Variants in PFKP observed in about 807,000 individuals in gnomAD.
PFKP encodes phosphofructokinase, platelet, also known as ATP-dependent 6-phosphofructokinase, platelet type.
PFKP carries 101 observed loss-of-function variants against 94.3 expected under a neutral mutation model. The ratio of observed to expected loss-of-function variants is 1.07; its 90% CI spans 0.91 to 1.26. PFKP has a LOEUF of 1.26. PFKP is among the 50% of genes most tolerant of loss of function. The probability of loss-of-function intolerance (pLI) is 0.00; values close to 1 mark genes in which losing one functional copy is unlikely to be tolerated. For missense variants in PFKP, 1,145 were observed against 1,103.3 expected (o/e 1.04, Z -0.53); for synonymous variants, 573 against 432.6 (o/e 1.32, Z -4.03).
intron 3 of PFKP, chr10:3,100,786 TC>T (rs2131535645): frequency 1.7e-6 from 1 of 579,492 alleles, no homozygotes; most frequent in East Asian, 2.8e-5. Flanking sequence ...ATGATCTATG[TC>T]CCCTGGAAGT....
intron 17 of PFKP, among the ~76,000 whole-genome samples, chr10:3,131,857 C>T (rs1437896821): frequency 6.6e-6 from 1 of 152,096 alleles, no homozygotes; most frequent in African/African-American, 2.4e-5. Flanking sequence ...AATTACCTCC[C>T]TCTTGTAATC....
chr10:3,082,335 A>G, intron 1 of PFKP, 53 bp from the exon 2 acceptor site: 1 of 1,387,210 alleles, frequency 7.2e-7, no homozygotes. Flanking sequence ...TTAGTGGCAG[A>G]GCCAGAATTA....
chr10:3,073,795 G>A (rs1832370368), intron 1 of PFKP, among the ~76,000 whole-genome samples: 1 of 152,080 alleles, frequency 6.6e-6, no homozygotes. Flanking sequence ...GTCTTACTAC[G>A]ATTAAGATTT....
At chr10:3,077,256 T>C (rs112204719) in intron 1 of PFKP, among the ~76,000 whole-genome samples, 5,294 of 102,268 alleles carry the variant, frequency 0.052, 165 homozygotes, top group South Asian at 0.083. Flanking sequence ...TTACTTTTTT[T>C]TTTTCTTTTT....
At chr10:3,132,289 C>A in intron 17 of PFKP, 91 bp from the exon 18 acceptor site, 1 of 904,522 alleles carries the variant, frequency 1.1e-6, no homozygotes, top group Non-Finnish European at 1.8e-6. Context: ...CACTGCCACA[C>A]TTGGTTGGCA....
intron 17 of PFKP, among the ~76,000 whole-genome samples, chr10:3,130,253 G>T (rs1838423754): frequency 6.6e-6 from 1 of 152,192 alleles, no homozygotes; most frequent in Admixed American, 6.5e-5. Context: ...AGTTAATGTT[G>T]TCTCACTTAT....
intron 1 of PFKP, among the ~76,000 whole-genome samples, chr10:3,074,682 G>A (rs139377061): frequency 3.3e-5 from 5 of 152,324 alleles, no homozygotes; most frequent in African/African-American, 1.2e-4. Flanking sequence ...GGTAGAGCAT[G>A]TGAGCTCCAA....
At chr10:3,121,712 G>A (rs1295052459) in intron 16 of PFKP, among the ~76,000 whole-genome samples, 1 of 151,138 alleles carries the variant, frequency 6.6e-6, no homozygotes, top group Non-Finnish European at 1.5e-5. Context: ...TCCCTTGGAG[G>A]GATTGTGTGA....
At chr10:3,112,705 G>A (rs1249570026) in intron 11 of PFKP, among the ~76,000 whole-genome samples, 3 of 152,128 alleles carry the variant, frequency 2.0e-5, no homozygotes, top group Admixed American at 6.5e-5. Context: ...CTACCAGCTC[G>A]TACCAGTGCA....
At chr10:3,104,728 C>T in intron 5 of PFKP, 1 of 304,408 alleles carries the variant, frequency 3.3e-6, no homozygotes, top group Non-Finnish European at 6.2e-6. Flanking sequence ...TCACTTGTTT[C>T]CGTGGGAGAG....
intron 1 of PFKP, among the ~76,000 whole-genome samples, chr10:3,075,966 G>A (rs1363103581): frequency 3.9e-5 from 5 of 128,822 alleles, no homozygotes; most frequent in South Asian, 2.6e-4. Context: ...AGCCGAGATC[G>A]CGCCACTGCA....
At chr10:3,089,485 G>C (rs935183427) in intron 2 of PFKP, among the ~76,000 whole-genome samples, 1 of 151,984 alleles carries the variant, frequency 6.6e-6, no homozygotes, top group Admixed American at 6.6e-5. Flanking sequence ...GCTGGCTTGT[G>C]GGGGAGTTCT....
intron 18 of PFKP, among the ~76,000 whole-genome samples, chr10:3,132,996 T>G (rs1337207536): frequency 6.6e-6 from 1 of 152,210 alleles, no homozygotes; most frequent in Non-Finnish European, 1.5e-5. Flanking sequence ...AATTTTCCAT[T>G]TAATATTTGT....
In PFKP at chr10:3,113,431, CGTACGCTCAGCT is replaced by C; in HGVS notation, c.1287_1298del (p.Ser431_Arg434del). On this transcript the variant is annotated inframe_deletion, in exon 13 of 22. Transcript: ENST00000381125. ...CACCCGCGGCTGGGATGAACGCAGCCGTACGCTCAGCTGTGCGCGTGGGCATTGCCGACGGCC... is the reference window on the plus strand; with the variant it reads ...CACCCGCGGCTGGGATGAACGCAGCCGTGCGCGTGGGCATTGCCGACGGCC... 6.2e-7 allele frequency: 1 copy of C among 1,609,236 alleles called. No homozygotes were observed. Among genetic ancestry groups the C allele is most frequent in the Non-Finnish European group, 8.5e-7 (1 of 1,177,546 alleles).
rs1452372630 is a variant in PFKP at position 3,113,509 on chromosome 10, C to T, written c.1362C>T (p.Ala454=). ...LAIYDGFDGF[A]KGQIKEIGWT... ...TCTATGATGGCTTTGACGGCTTCGC[C>T]AAGGGCCAGGTGAGTCACCCAGGAT... Residue 454 remains alanine (A), a synonymous_variant, in exon 13 of 22, where the codon GCC becomes GCT. Transcript: ENST00000381125. 1.9e-6 allele frequency: 3 copies of T among 1,612,402 alleles called. No homozygotes were observed. Among genetic ancestry groups the T allele is most frequent in the African/African-American group, 1.3e-5 (1 of 74,952 alleles).
chr10:3,088,074 C>T (rs1250485467), intron 2 of PFKP, among the ~76,000 whole-genome samples: 8 of 142,738 alleles, frequency 5.6e-5, no homozygotes, highest in Non-Finnish European at 4.5e-5. Context: ...TATACATGTG[C>T]CATGTTGGTT....
At position 3,132,000 on chromosome 10, in the gene PFKP, T is replaced by C. The variant is rs566113633; in HGVS notation, c.1849-380T>C. Among the ~76,000 whole-genome samples the C allele has an allele frequency of 3.9e-5, 6 of 152,188 alleles. No individual in the cohort carries two copies. In the South Asian group the frequency reaches 6.2e-4, roughly 16 times the overall value. On this transcript the variant is annotated intron_variant, in intron 17 of 21. Transcript: ENST00000381125. ...CATCAGGCCGTCACATGAGATTCCA[T>C]AGAAAGGCCACAGGTCACTCTTTCC...
chr10:3,107,422 T>A, intron 8 of PFKP, 113 bp downstream of exon 8: 1 of 661,746 alleles, frequency 1.5e-6, no homozygotes, highest in Non-Finnish European at 2.6e-6. Flanking sequence ...TTATCCTTGA[T>A]ATTTAAAACA....
At chr10:3,136,254 A>T (rs1012947759) in intron 21 of PFKP, among the ~76,000 whole-genome samples, 196 bp from the exon 22 acceptor site, 1 of 151,838 alleles carries the variant, frequency 6.6e-6, no homozygotes, top group Non-Finnish European at 1.5e-5. Context: ...ACAGAGCGAG[A>T]CTCCACCACT....
Sources: gnomAD v4.1 joint callset for allele counts (sites outside exome capture counted in the v4.1 genomes callset) on GRCh38, gnomAD v4.1.1 for gene constraint, MANE v1.5 for transcripts, NCBI Gene and HGNC (gene_info 2026-07-23, HGNC 2026-07-21) for gene names.